The following RTL8B variants were observed in gnomAD, a reference collection of about 807,000 sequenced individuals.
The protein encoded by RTL8B is retrotransposon Gag-like protein 8B.
RTL8B carries 5 observed loss-of-function variants against 4.4 expected under a neutral mutation model. That is an observed-to-expected ratio of 1.13 (90% CI 0.59 to 2.37). RTL8B has a LOEUF of 2.37. Ranked by LOEUF, RTL8B falls within the 30% of genes most tolerant of loss-of-function variation. The pLI, the probability that RTL8B is intolerant of heterozygous loss-of-function variation, is 0.01. For synonymous variants in RTL8B, 31 were observed against 44.2 expected (o/e 0.70, Z 1.19); for missense variants, 82 against 99.2 (o/e 0.83, Z 0.74).
Position 135,021,320 on chromosome X carries a change from T to TGGAAAATAC in RTL8B, c.*789_*797dup, listed in dbSNP as rs1311376685. ...TAGTGTCTGACATTTATTGAAAATA[T>TGGAAAATAC]GGAAAATACTTTTCTCCAGGTAGTA... On this transcript the variant is annotated 3_prime_UTR_variant, in exon 1 of 1. Transcript: ENST00000391440. 8 of 247,122 alleles carry TGGAAAATAC rather than the reference T, an allele frequency of 3.2e-5. No homozygotes were observed. Among genetic ancestry groups the TGGAAAATAC allele is most frequent in the Admixed American group, 5.4e-5 (1 of 18,575 alleles). 20.4% of individuals were successfully genotyped at this position (247,122 alleles called of 1,213,427 possible). A position where few individuals can be genotyped will look rare whatever the true frequency, so the allele number is the denominator to read the frequency against.
At position 135,022,355 on chromosome X, in the gene RTL8B, G is replaced by T. The variant is rs751440929; in HGVS notation, c.105C>A (p.Gly35=). 11 of 1,210,555 alleles carry T rather than the reference G, an allele frequency of 9.1e-6. No individual in the cohort carries two copies. The South Asian group carries it at 1.6e-4, about 17-fold the overall frequency. The part of the protein sequence containing the change: ...NPIPFPETFD[G]DTDRLPEFIV... The stretch of plus-strand genomic sequence containing the variant: ...TGAACTCCGGGAGCCGGTCGGTATC[G>T]CCATCAAACGTCTCGGGAAAGGGAA... The change falls in exon 1 of 1, where the codon GGC becomes GGA. Residue 35 remains glycine (G), a synonymous_variant. Coordinates refer to ENST00000391440, the MANE Select transcript of RTL8B (RefSeq NM_001078173.2).
In RTL8B at chrX:135,021,265, A is replaced by G; in HGVS notation, c.*853T>C. On this transcript the variant is annotated 3_prime_UTR_variant, in exon 1 of 1. Transcript: ENST00000391440. ...ACAGGACCAGGGAGGGAAAGGTGCC[A>G]TATTCATTCAGACTCTATTTCTTTC... The G allele has an allele frequency of 4.2e-6, 1 of 240,721 alleles. No individual in the cohort carries two copies. The highest frequency in any genetic ancestry group is 7.8e-6 in the Non-Finnish European group (1 of 128,784). 19.8% of individuals were successfully genotyped at this position (240,721 alleles called of 1,213,427 possible).
rs190970621 is a variant in RTL8B at position 135,022,262 on chromosome X, C to G, written c.198G>C (p.Thr66=). 4,328 of 1,210,756 alleles carry G rather than the reference C, an allele frequency of 3.6e-3. 72 individuals are homozygous for G. In the African/African-American group the frequency reaches 0.058, roughly 16 times the overall value. ...NTFSNDALKV[T]FLITRLTGPA... ...GCCCCGTGAGGCGGGTGATGAGGAA[C>G]GTCACCTTCAGGGCGTCGTTGGAGA... Residue 66 remains threonine, a synonymous_variant, in exon 1 of 1, where the codon ACG becomes ACC. Coordinates refer to ENST00000391440, the MANE Select transcript of RTL8B (RefSeq NM_001078173.2).
At position 135,022,515 on chromosome X, in the gene RTL8B, C is replaced by A; in HGVS notation, c.-56G>T. On this transcript the variant is annotated 5_prime_UTR_variant, in exon 1 of 1. Transcript: ENST00000391440. ...GAGCTGCGCTGGGCTTCGCCGGGGGCTGCACCGAGGCGTAGCGGGAAGTGC... is the reference window on the plus strand; with the variant it reads ...GAGCTGCGCTGGGCTTCGCCGGGGGATGCACCGAGGCGTAGCGGGAAGTGC... 8.5e-7 allele frequency: 1 copy of A among 1,176,385 alleles called. No individual in the cohort carries two copies. The highest frequency in any genetic ancestry group is 1.1e-6 in the Non-Finnish European group (1 of 877,951).
In RTL8B at chrX:135,021,147, G is replaced by T. The variant is rs1202281741; in HGVS notation, c.*971C>A. 6.1e-6 allele frequency: 1 copy of T among 164,572 alleles called. No homozygotes were observed. Among genetic ancestry groups the T allele is most frequent in the African/African-American group, 3.1e-5 (1 of 32,284 alleles). The allele number at this position is 164,572 out of a possible 1,213,427, so 13.6% of individuals were successfully genotyped here. ...GGACACTATCCCCCAGGTTACCACA[G>T]GACTCTATCTTAGATGTTTTATAAT... On this transcript the variant is annotated 3_prime_UTR_variant, in exon 1 of 1. Transcript: ENST00000391440.
Position 135,020,762 on chromosome X carries a change from G to A in RTL8B, c.*1356C>T, listed in dbSNP as rs1246510103. ...AATAAAACCCCCTGGTCATCAACCA[G>A]GTTTGTATCTAAATTAATGATCTCA... On this transcript the variant is annotated 3_prime_UTR_variant, in exon 1 of 1. Transcript: ENST00000391440. 1 of 111,882 alleles carries A rather than the reference G, an allele frequency of 8.9e-6. No individual in the cohort carries two copies. Among genetic ancestry groups the A allele is most frequent in the Non-Finnish European group, 1.9e-5 (1 of 53,161 alleles). The allele number at this position is 111,882 out of a possible 1,213,427, so 9.2% of individuals were successfully genotyped here. A position where few individuals can be genotyped will look rare whatever the true frequency, so the allele number is the denominator to read the frequency against.
Position 135,021,152 on chromosome X carries a change from C to G in RTL8B, c.*966G>C, listed in dbSNP as rs989681202. 1.2e-5 allele frequency: 2 copies of G among 167,692 alleles called. No individual in the cohort carries two copies. The highest frequency in any genetic ancestry group is 2.3e-5 in the Non-Finnish European group (2 of 88,862). The allele number at this position is 167,692 out of a possible 1,213,427, so 13.8% of individuals were successfully genotyped here. Reference sequence around the variant, plus strand: ...CTATCCCCCAGGTTACCACAGGACTCTATCTTAGATGTTTTATAATGCAGG... The same window carrying G: ...CTATCCCCCAGGTTACCACAGGACTGTATCTTAGATGTTTTATAATGCAGG... On this transcript the variant is annotated 3_prime_UTR_variant, in exon 1 of 1. Coordinates refer to ENST00000391440, the MANE Select transcript of RTL8B (RefSeq NM_001078173.2).
At position 135,021,444 on chromosome X, in the gene RTL8B, A is replaced by G; in HGVS notation, c.*674T>C. ...AGAGAAATGGATTCTGGGCAAAACT[A>G]ACTGGTCCACAAGAGAAAATGAGAG... On this transcript the variant is annotated 3_prime_UTR_variant, in exon 1 of 1. Transcript: ENST00000391440. 3.5e-6 allele frequency: 1 copy of G among 285,430 alleles called. No homozygotes were observed. The highest frequency in any genetic ancestry group is 6.8e-6 in the Non-Finnish European group (1 of 146,108). 23.5% of individuals were successfully genotyped at this position (285,430 alleles called of 1,213,427 possible).
chrX:135,022,038 C>G lies in RTL8B; in HGVS notation c.*80G>C. On this transcript the variant is annotated 3_prime_UTR_variant, in exon 1 of 1. Coordinates refer to ENST00000391440, the MANE Select transcript of RTL8B (RefSeq NM_001078173.2). ...GGAGGGAGGCGCGGAGGGAGGGCGC[C>G]GGTGGCGACCCTGGCGGCGGCCAGT... 8.4e-7 allele frequency: 1 copy of G among 1,197,563 alleles called. No homozygotes were observed.
Position 135,021,696 on chromosome X carries a change from G to T in RTL8B, c.*422C>A. ...CTGTCGGTGGAATGCGATGGATGGC[G>T]ATGGCAGTGGCAGCGCAGGTCTGTG... On this transcript the variant is annotated 3_prime_UTR_variant, in exon 1 of 1. Coordinates refer to ENST00000391440, the MANE Select transcript of RTL8B (RefSeq NM_001078173.2). 1.0e-6 allele frequency: 1 copy of T among 1,002,984 alleles called. No homozygotes were observed. The highest frequency in any genetic ancestry group is 1.3e-6 in the Non-Finnish European group (1 of 769,023). 82.7% of individuals were successfully genotyped at this position (1,002,984 alleles called of 1,213,427 possible).
At position 135,022,022 on chromosome X, in the gene RTL8B, C is replaced by A. The variant is rs778153595; in HGVS notation, c.*96G>T. ...CGTGGCGGCTCGAGGGGGAGGGAGG[C>A]GCGGAGGGAGGGCGCCGGTGGCGAC... is the stretch of plus-strand genomic sequence containing the variant. On this transcript the variant is annotated 3_prime_UTR_variant, in exon 1 of 1. Transcript: ENST00000391440. 2.5e-6 allele frequency: 3 copies of A among 1,176,859 alleles called. No homozygotes were observed. The African/African-American group carries it at 5.4e-5, about 21-fold the overall frequency.
Sources: gnomAD v4.1 joint callset for allele counts on GRCh38, gnomAD v4.1.1 for gene constraint, MANE v1.5 for transcripts, NCBI Gene and HGNC (gene_info 2026-07-23, HGNC 2026-07-21) for gene names.